Variants in TLCD2 observed in about 807,000 individuals in gnomAD.
The protein encoded by TLCD2 is TLC domain-containing protein 2.
TLCD2 carries 12 observed loss-of-function variants against 14.0 expected under a neutral mutation model. The observed-to-expected ratio is 0.86, with a 90% confidence interval of 0.55 to 1.39. The LOEUF (loss-of-function observed/expected upper bound fraction) is 1.39, where lower values mean the gene tolerates loss of function less well. TLCD2 is among the 40% of genes most tolerant of loss of function. The pLI is 0.00. For missense variants in TLCD2, 360 were observed against 346.8 expected (o/e 1.04, Z -0.30); for synonymous variants, 166 against 156.5 (o/e 1.06, Z -0.45).
chr17:1,709,914 G>A (rs1914167694), intron 1 of TLCD2, 28 bp from the exon 2 acceptor site: 4 of 1,522,658 alleles, frequency 2.6e-6, no homozygotes, highest in Non-Finnish European at 3.5e-6. Context: ...GGACATGGGG[G>A]GGGGCATGGT....
At position 1,709,801 on chromosome 17, in the gene TLCD2, C is replaced by T; in HGVS notation, c.259+3G>A. On this transcript the variant is annotated splice_donor_region_variant and intron_variant, in intron 2 of 3. Transcript: ENST00000330676. ...ACCGGCCCAGCCTTCCCTGCAGACTCACCCACAGACACAGCCACCAGCACC... is the reference window on the plus strand; with the variant it reads ...ACCGGCCCAGCCTTCCCTGCAGACTTACCCACAGACACAGCCACCAGCACC... The T allele has an allele frequency of 2.0e-6, 3 of 1,517,424 alleles. No homozygotes were observed. Among genetic ancestry groups the T allele is most frequent in the Middle Eastern group, 1.7e-4 (1 of 5,912 alleles). The allele number at this position is 1,517,424 out of a possible 1,614,324, so 94.0% of individuals were successfully genotyped here.
At position 1,708,165 on chromosome 17, in the gene TLCD2, C is replaced by T. The variant is rs770139222; in HGVS notation, c.400G>A (p.Val134Met). 6 of 1,536,572 alleles carry T rather than the reference C, an allele frequency of 3.9e-6. 1 individual carries two copies. The highest frequency in any genetic ancestry group is 5.2e-6 in the Non-Finnish European group (6 of 1,146,858). The change falls in exon 4 of 4, where the codon GTG becomes ATG. Residue 134 changes from valine to methionine, a missense_variant. Transcript: ENST00000330676. ...GAGTTCAGTTCCAGGAGCAGAGACACCATGGAGAAGCCCACGTAGTGGCCA... is the reference window on the plus strand; with the variant it reads ...GAGTTCAGTTCCAGGAGCAGAGACATCATGGAGAAGCCCACGTAGTGGCCA... Reference protein sequence around the residue: ...LSGHYVGFSMVSLLLELNSAC... With the variant: ...LSGHYVGFSMMSLLLELNSAC...
chr17:1,707,849 T>C lies in TLCD2; in HGVS notation c.716A>G (p.Glu239Gly). Residue 239 changes from glutamate (E) to glycine (G), a missense_variant, in exon 4 of 4, where the codon GAG becomes GGG. Coordinates refer to ENST00000330676, the MANE Select transcript of TLCD2 (RefSeq NM_001164407.2). The part of the protein sequence containing the change: ...SRPHPPSPGH[E>G]KTRGTRTRRD... ...ACGTGTCCTGGTCCCCCTGGTTTTC[T>C]CATGGCCAGGGCTGGGTGGATGGGG... is the stretch of plus-strand genomic sequence containing the variant. 2.0e-6 allele frequency: 3 copies of C among 1,536,352 alleles called. No individual in the cohort carries two copies. In the South Asian group the frequency reaches 3.6e-5, roughly 18 times the overall value.
Position 1,707,169 on chromosome 17 carries a change from A to T in TLCD2, c.*601T>A, listed in dbSNP as rs919675024. 1 of 150,894 alleles carries T rather than the reference A, an allele frequency of 6.6e-6. No homozygotes were observed. The highest frequency in any genetic ancestry group is 1.5e-5 in the Non-Finnish European group (1 of 67,834). The allele number at this position is 150,894 out of a possible 1,614,324, so 9.3% of individuals were successfully genotyped here. A position where few individuals can be genotyped will look rare whatever the true frequency, so the allele number is the denominator to read the frequency against. On this transcript the variant is annotated 3_prime_UTR_variant, in exon 4 of 4. Transcript: ENST00000330676. Reference sequence around the variant, plus strand: ...GTGACAGAGTAAGATTCCGTCTCATAAAAAAAAAGAAAAAGAAAAAGAAAA... The same window carrying T: ...GTGACAGAGTAAGATTCCGTCTCATTAAAAAAAAGAAAAAGAAAAAGAAAA...
Position 1,707,951 on chromosome 17 carries a change from A to G in TLCD2, c.614T>C (p.Ile205Thr), listed in dbSNP as rs988365662. The G allele has an allele frequency of 6.5e-6, 10 of 1,537,214 alleles. No homozygotes were observed. In the African/African-American group the frequency reaches 1.4e-4, roughly 21 times the overall value. The change falls in exon 4 of 4, where the codon ATT becomes ACT. Residue 205 changes from isoleucine (I) to threonine (T), a missense_variant. By Grantham distance (89) the Ile-to-Thr change is moderately conservative (BLOSUM62 -1). Coordinates refer to ENST00000330676, the MANE Select transcript of TLCD2 (RefSeq NM_001164407.2). ...VPLALVTLGG[I>T]GLVTVGIMSI... ...CATGATGCCCACAGTGACCAGCCCA[A>G]TTCCACCCAGGGTGACCAGAGCAAG...
In TLCD2 at chr17:1,709,488, C is replaced by T. The variant is rs1291941801; in HGVS notation, c.342+11G>A. The T allele has an allele frequency of 1.3e-6, 2 of 1,535,398 alleles. No homozygotes were observed. The highest frequency in any genetic ancestry group is 1.7e-6 in the Non-Finnish European group (2 of 1,146,036). ...TCCCTTCCTGTCTGGCTTCTGCCCT[C>T]AGAGTCTCACCACCAAATGATGACA... is the stretch of plus-strand genomic sequence containing the variant. On this transcript the variant is annotated intron_variant, in intron 3 of 3. Coordinates refer to ENST00000330676, the MANE Select transcript of TLCD2 (RefSeq NM_001164407.2).
intron 2 of TLCD2, 104 bp downstream of exon 2, chr17:1,709,700 G>A: frequency 3.5e-6 from 4 of 1,157,292 alleles, no homozygotes; most frequent in Non-Finnish European, 5.0e-6. Context: ...AAAGCCTTCA[G>A]GAACGTTTAA....
chr17:1,707,801 C>T lies in TLCD2; in HGVS notation c.764G>A (p.Ser255Asn), dbSNP rs1456981807. 4 of 1,510,396 alleles carry T rather than the reference C, an allele frequency of 2.6e-6. No individual in the cohort carries two copies. The highest frequency in any genetic ancestry group is 3.5e-6 in the Non-Finnish European group (4 of 1,131,530). 93.6% of individuals were successfully genotyped at this position (1,510,396 alleles called of 1,614,324 possible). A position where few individuals can be genotyped will look rare whatever the true frequency, so the allele number is the denominator to read the frequency against. ...RTRRDNGPVT[S>N]NSSTLSLKD ...TTTCAGGCTGAGAGTCGAACTGTTG[C>T]TGGTGACAGGTCCATTGTCACGACG... The change falls in exon 4 of 4, where the codon AGC becomes AAC. Residue 255 changes from serine (S) to asparagine (N), a missense_variant. Physicochemically the swap from Ser to Asn is conservative, Grantham distance 46. Transcript: ENST00000330676.
chr17:1,709,837 G>A lies in TLCD2; in HGVS notation c.226C>T (p.Arg76Cys), dbSNP rs557007278. 6.7e-5 allele frequency: 103 copies of A among 1,532,734 alleles called. 2 individuals carry two copies. In the South Asian group the frequency reaches 1.1e-3, roughly 16 times the overall value. 94.9% of individuals were successfully genotyped at this position (1,532,734 alleles called of 1,614,324 possible). The change falls in exon 2 of 4, where the codon CGC becomes TGC. Residue 76 changes from arginine to cysteine, a missense_variant. Transcript: ENST00000330676. ...ACAGCCACCAGCACCAGAGCCCAGCGCGGGTGGCCATGGATGGGGTCGGCG... is the reference window on the plus strand; with the variant it reads ...ACAGCCACCAGCACCAGAGCCCAGCACGGGTGGCCATGGATGGGGTCGGCG... ...MAADPIHGHPRWALVLVAVSV... is the reference protein window; with the variant it reads ...MAADPIHGHPCWALVLVAVSV...
At position 1,703,368 on chromosome 17, in the gene TLCD2, C is replaced by A. The variant is rs1241752093; in HGVS notation, c.*4402G>T. 1 of 152,176 alleles carries A rather than the reference C, an allele frequency of 6.6e-6. No individual in the cohort carries two copies. The highest frequency in any genetic ancestry group is 6.6e-5 in the Admixed American group (1 of 15,248). The allele number at this position is 152,176 out of a possible 1,614,324, so 9.4% of individuals were successfully genotyped here. A position where few individuals can be genotyped will look rare whatever the true frequency, so the allele number is the denominator to read the frequency against. The stretch of plus-strand genomic sequence containing the variant: ...GCCATGTTTCCCTAATGGTCAAGTT[C>A]TTGGGCAGCCTTCATAGACACTATC... On this transcript the variant is annotated 3_prime_UTR_variant, in exon 4 of 4. Coordinates refer to ENST00000330676, the MANE Select transcript of TLCD2 (RefSeq NM_001164407.2).
chr17:1,709,984 C>T (rs1738699031), intron 1 of TLCD2, 83 bp downstream of exon 1: 3 of 1,516,166 alleles, frequency 2.0e-6, no homozygotes, highest in East Asian at 4.9e-5. Flanking sequence ...AGTCTCAGCT[C>T]TGGAGACGCC....
In TLCD2 at chr17:1,702,872, A is replaced by G. The variant is rs533248179; in HGVS notation, c.*4898T>C. ...CAGGATAGTGTTTCAAGGCCATAAAATATCAATGTATCCCATCCAGAAAAG... is the reference window on the plus strand; with the variant it reads ...CAGGATAGTGTTTCAAGGCCATAAAGTATCAATGTATCCCATCCAGAAAAG... On this transcript the variant is annotated 3_prime_UTR_variant, in exon 4 of 4. Coordinates refer to ENST00000330676, the MANE Select transcript of TLCD2 (RefSeq NM_001164407.2). 12 of 152,350 alleles carry G rather than the reference A, an allele frequency of 7.9e-5. No homozygotes were observed. Among genetic ancestry groups the G allele is most frequent in the African/African-American group, 2.9e-4 (12 of 41,592 alleles). The allele number at this position is 152,350 out of a possible 1,614,324, so 9.4% of individuals were successfully genotyped here.
rs1049348637 is a variant in TLCD2, at chr17:1,707,910, T to C, written c.655A>G (p.Ile219Val). 2.6e-6 allele frequency: 4 copies of C among 1,537,000 alleles called. No homozygotes were observed. The African/African-American group carries it at 5.5e-5, about 21-fold the overall frequency. ...TVGIMSIILG[I>V]RILVNDVLQS... Reference sequence around the variant, plus strand: ...AGGACATCATTGACCAGAATACGGATCCCCAATATGATGCTCATGATGCCC... The same window carrying C: ...AGGACATCATTGACCAGAATACGGACCCCCAATATGATGCTCATGATGCCC... The change falls in exon 4 of 4, where the codon ATC becomes GTC. Residue 219 changes from isoleucine to valine, a missense_variant. Physicochemically the swap from Ile to Val is conservative, Grantham distance 29. Coordinates refer to ENST00000330676, the MANE Select transcript of TLCD2 (RefSeq NM_001164407.2).
rs1482336594 is a variant in TLCD2 at position 1,706,449 on chromosome 17, C to G, written c.*1321G>C. 6.6e-6 allele frequency: 1 copy of G among 152,190 alleles called. No individual in the cohort carries two copies. The highest frequency in any genetic ancestry group is 2.4e-5 in the African/African-American group (1 of 41,428). 9.4% of individuals were successfully genotyped at this position (152,190 alleles called of 1,614,324 possible). On this transcript the variant is annotated 3_prime_UTR_variant, in exon 4 of 4. Transcript: ENST00000330676. ...ACAAACCAGCCCTGTGTTCATTCCT[C>G]TAAGAATCCGAATTGTCTTTGAAAA...
In TLCD2 at chr17:1,710,058, A is replaced by G. The variant is rs778043130; in HGVS notation, c.176+9T>C. 2 of 1,532,298 alleles carry G rather than the reference A, an allele frequency of 1.3e-6. No individual in the cohort carries two copies. The highest frequency in any genetic ancestry group is 1.2e-5 in the South Asian group (1 of 83,870). 94.9% of individuals were successfully genotyped at this position (1,532,298 alleles called of 1,614,324 possible). ...TCGCCCCGTGCGCCTCGAGCCCCCA[A>G]GCCCGCACCCGAGCAGCGCCCCGGT... On this transcript the variant is annotated intron_variant, in intron 1 of 3. Transcript: ENST00000330676. The surrounding 1 kb of genome is among the most constrained non-coding windows in gnomAD (Gnocchi z 6.1).
chr17:1,709,669 A>ACCCCCGT, intron 2 of TLCD2, 88 bp from the exon 3 acceptor site: 1 of 591,722 alleles, frequency 1.7e-6, no homozygotes, highest in Non-Finnish European at 2.3e-6. Context: ...CCCCTCTCCC[A>ACCCCCGT]GTTCTTAGTT....
chr17:1,709,344 C>T (rs539529127), intron 3 of TLCD2, among the ~76,000 whole-genome samples, 155 bp downstream of exon 3: 2 of 143,582 alleles, frequency 1.4e-5, no homozygotes, highest in East Asian at 2.1e-4. Context: ...GAACAGAGGC[C>T]GAACCACTGG....
chr17:1,706,466 C>CT lies in TLCD2; in HGVS notation c.*1303dup, dbSNP rs1914035931. ...TCATTCCTCTAAGAATCCGAATTGT[C>CT]TTTGAAAAGTCAAAAGGGGTCGGGT... is the stretch of plus-strand genomic sequence containing the variant. On this transcript the variant is annotated 3_prime_UTR_variant, in exon 4 of 4. Transcript: ENST00000330676. 1 of 152,048 alleles carries CT rather than the reference C, an allele frequency of 6.6e-6. No homozygotes were observed. The highest frequency in any genetic ancestry group is 1.5e-5 in the Non-Finnish European group (1 of 68,050). The allele number at this position is 152,048 out of a possible 1,614,324, so 9.4% of individuals were successfully genotyped here.
intron 2 of TLCD2, 36 bp downstream of exon 2, chr17:1,709,766 CAT>C: frequency 2.9e-6 from 4 of 1,386,976 alleles, no homozygotes; most frequent in African/African-American, 1.4e-5. Context: ...CCCCCCGCCC[CAT>C]CCCCACCACC....
Sources: gnomAD v4.1 joint callset for allele counts (sites outside exome capture counted in the v4.1 genomes callset) on GRCh38, gnomAD v4.1.1 for gene constraint, Gnocchi (gnomAD v3.1) non-coding constraint, MANE v1.5 for transcripts, NCBI Gene and HGNC (gene_info 2026-07-23, HGNC 2026-07-21) for gene names.